PTPRD: variants seen among roughly 807,000 people sequenced by gnomAD.
The protein encoded by PTPRD is protein tyrosine phosphatase receptor type D.
A neutral mutation model predicts 214.5 loss-of-function variants in PTPRD; 34 were observed. The observed-to-expected ratio is 0.16, with a 90% CI of 0.12 to 0.21. The LOEUF (loss-of-function observed/expected upper bound fraction) is 0.21, where lower values mean the gene tolerates loss of function less well. Among genes scored for constraint, PTPRD ranks in the 10% least tolerant of loss-of-function variants. PTPRD has a pLI of 1.00. For missense variants in PTPRD, 2,545 were observed against 2,398.7 expected, an observed-to-expected ratio of 1.06 and a Z score of -1.27; for synonymous variants, 1,128 against 845.7, an observed-to-expected ratio of 1.33 and a Z score of -5.79.
chr9:8,687,033 C>T (rs187589413), intron 12 of PTPRD, among the ~76,000 whole-genome samples: 2 of 152,132 alleles, frequency 1.3e-5, no homozygotes, highest in African/African-American at 4.8e-5. Context: ...AAAGAAAAAT[C>T]AATTAAAATT....
chr9:9,885,558 T>C (rs1210986065), intron 5 of PTPRD, among the ~76,000 whole-genome samples: 32 of 151,960 alleles, frequency 2.1e-4, no homozygotes, highest in Admixed American at 2.1e-3. Flanking sequence ...GATTTTGAGA[T>C]GGGGGGACTA....
At chr9:10,145,907 A>G (rs1325842410) in intron 3 of PTPRD, among the ~76,000 whole-genome samples, 1 of 152,056 alleles carries the variant, frequency 6.6e-6, no homozygotes, top group East Asian at 1.9e-4. Context: ...TGTTGAAACC[A>G]ATATAAAAAT....
chr9:9,456,839 T>G (rs2093075783), intron 8 of PTPRD, among the ~76,000 whole-genome samples: 1 of 151,938 alleles, frequency 6.6e-6, no homozygotes, highest in South Asian at 2.1e-4. Context: ...TCCTGAAGTT[T>G]TATTCCAGAA....
chr9:10,030,290 T>C (rs1238415376), intron 4 of PTPRD, among the ~76,000 whole-genome samples: 1 of 137,988 alleles, frequency 7.2e-6, no homozygotes, highest in Non-Finnish European at 1.5e-5. Context: ...TAGGTTTCTT[T>C]TGGGGAAACT....
At chr9:8,328,064 A>G (rs1167270016) in intron 44 of PTPRD, among the ~76,000 whole-genome samples, 1 of 152,138 alleles carries the variant, frequency 6.6e-6, no homozygotes, top group African/African-American at 2.4e-5. Context: ...TGTCATTATG[A>G]TGTTTGCTGG....
intron 6 of PTPRD, among the ~76,000 whole-genome samples, chr9:9,741,866 T>C (rs1026462671): frequency 6.6e-6 from 1 of 152,180 alleles, no homozygotes; most frequent in African/African-American, 2.4e-5. Flanking sequence ...TGATGGGCAT[T>C]TGGGTTGGTT....
In PTPRD at chr9:8,314,684, C is replaced by T. The variant is rs541182685; in HGVS notation, c.*3190G>A. 3.4e-5 allele frequency: 8 copies of T among 231,918 alleles called. No homozygotes were observed. In the East Asian group the frequency reaches 4.2e-4, roughly 12 times the overall value. 14.4% of individuals were successfully genotyped at this position (231,918 alleles called of 1,614,324 possible). ...AAAATAAAAGGACTTAAAGCAAAACCGAAAATAAACAGGAAAGAAAAAAAA... is the reference window on the plus strand; with the variant it reads ...AAAATAAAAGGACTTAAAGCAAAACTGAAAATAAACAGGAAAGAAAAAAAA... On this transcript the variant is annotated 3_prime_UTR_variant, in exon 46 of 46. Transcript: ENST00000381196.
At chr9:8,461,974 T>C (rs1276595922) in intron 32 of PTPRD, among the ~76,000 whole-genome samples, 3 of 152,032 alleles carry the variant, frequency 2.0e-5, no homozygotes, top group Non-Finnish European at 1.5e-5. Flanking sequence ...TTAAGTTCTA[T>C]TCTCTACTAG....
At chr9:9,323,054 T>A (rs1595769879) in intron 9 of PTPRD, among the ~76,000 whole-genome samples, 1 of 152,300 alleles carries the variant, frequency 6.6e-6, no homozygotes, top group East Asian at 1.9e-4. Context: ...GTTTACAATT[T>A]TTTTTGCAAC....
intron 5 of PTPRD, among the ~76,000 whole-genome samples, chr9:9,874,138 A>T (rs1402939096): frequency 6.6e-6 from 1 of 152,126 alleles, no homozygotes; most frequent in African/African-American, 2.4e-5. Flanking sequence ...AAACAAAAAG[A>T]AGGGTAAATT....
intron 4 of PTPRD, among the ~76,000 whole-genome samples, chr9:9,971,192 A>T (rs975376389): frequency 4.6e-5 from 7 of 152,238 alleles, no homozygotes; most frequent in African/African-American, 1.2e-4. Context: ...TTAAAAAAAT[A>T]AAAACATCAG....
At chr9:9,551,271 T>A (rs2080162364) in intron 8 of PTPRD, among the ~76,000 whole-genome samples, 2 of 151,968 alleles carry the variant, frequency 1.3e-5, no homozygotes, top group Non-Finnish European at 2.9e-5. Flanking sequence ...TGAAAAATCT[T>A]ATAAAGCTGA....
intron 14 of PTPRD, among the ~76,000 whole-genome samples, chr9:8,569,217 C>T (rs1013872066): frequency 6.6e-6 from 1 of 152,084 alleles, no homozygotes. Flanking sequence ...CTATCTCTTC[C>T]AGCCTTAAAA....
At chr9:8,676,218 G>A (rs146693800) in intron 12 of PTPRD, among the ~76,000 whole-genome samples, 12 of 152,068 alleles carry the variant, frequency 7.9e-5, no homozygotes, top group African/African-American at 2.9e-4. Context: ...CCTTCTTCAT[G>A]AAGCAGTTTC....
chr9:9,633,773 GT>G (rs1267197320), intron 7 of PTPRD, among the ~76,000 whole-genome samples: 3 of 152,144 alleles, frequency 2.0e-5, no homozygotes, highest in Admixed American at 2.0e-4. Context: ...ATTTTTTAAG[GT>G]AAAATCATCT....
intron 8 of PTPRD, among the ~76,000 whole-genome samples, chr9:9,572,364 G>T (rs1279189712): frequency 6.6e-6 from 1 of 151,138 alleles, no homozygotes; most frequent in Non-Finnish European, 1.5e-5. Context: ...GTTAGTCGAA[G>T]AATATATTTG....
chr9:9,244,683 C>G (rs1013596959), intron 9 of PTPRD, among the ~76,000 whole-genome samples: 4 of 152,062 alleles, frequency 2.6e-5, no homozygotes, highest in African/African-American at 4.8e-5. Flanking sequence ...CATAAAAACC[C>G]TAGAAGAAAA....
chr9:8,843,505 T>A (rs533283203), intron 11 of PTPRD, among the ~76,000 whole-genome samples: 2 of 152,182 alleles, frequency 1.3e-5, no homozygotes, highest in Admixed American at 6.5e-5. Flanking sequence ...CGGGAAACGT[T>A]CTATGTCGGT....
intron 3 of PTPRD, among the ~76,000 whole-genome samples, chr9:10,154,290 T>C (rs1253335815): frequency 6.6e-6 from 1 of 152,150 alleles, no homozygotes; most frequent in Non-Finnish European, 1.5e-5. Flanking sequence ...ATGCCTGTTA[T>C]GTTCTTTGCC....
Sources: gnomAD v4.1 joint callset for allele counts (sites outside exome capture counted in the v4.1 genomes callset) on GRCh38, gnomAD v4.1.1 for gene constraint, MANE v1.5 for transcripts, NCBI Gene and HGNC (gene_info 2026-07-23, HGNC 2026-07-21) for gene names.